TRNT1: variants seen among roughly 807,000 people sequenced by gnomAD.
TRNT1 encodes tRNA nucleotidyl transferase 1, also known as CCA tRNA nucleotidyltransferase 1, mitochondrial.
TRNT1 carries 44 observed loss-of-function variants against 45.6 expected under a neutral mutation model. The ratio of observed to expected loss-of-function variants is 0.97; its 90% CI spans 0.76 to 1.24. The LOEUF (loss-of-function observed/expected upper bound fraction) is 1.24, where lower values mean the gene tolerates loss of function less well. Ranked by LOEUF, TRNT1 falls within the 50% of genes most tolerant of loss-of-function variation. The probability of loss-of-function intolerance (pLI) is 0.00; values close to 1 mark genes in which losing one functional copy is unlikely to be tolerated. For missense variants in TRNT1, 633 were observed against 504.4 expected (o/e 1.25, Z -2.44); for synonymous variants, 201 against 171.4 (o/e 1.17, Z -1.35).
At chr3:3,151,753 C>CT (rs1706568279), downstream of TRNT1, among the ~76,000 whole-genome samples, 14 of 152,246 alleles carry the variant, frequency 9.2e-5, no homozygotes, top group South Asian at 2.9e-3. Flanking sequence ...TAGCATCCCT[C>CT]TTTGAAAACT....
At chr3:3,128,150 A>AG (rs1269214989) in intron 1 of TRNT1, 3 of 152,224 alleles carry the variant, frequency 2.0e-5, no homozygotes, top group Admixed American at 6.5e-5. Flanking sequence ...AAATGGGTCC[A>AG]GGTGCTGGGG....
chr3:3,148,321 A>G lies in TRNT1; in HGVS notation c.*167A>G. 1 of 653,318 alleles carries G rather than the reference A, an allele frequency of 1.5e-6. No homozygotes were observed. The highest frequency in any genetic ancestry group is 2.5e-6 in the Non-Finnish European group (1 of 396,816). The allele number at this position is 653,318 out of a possible 1,614,324, so 40.5% of individuals were successfully genotyped here. ...ATTATATATTTCAAGAACTAAACAG[A>G]GATCCACCTTTCTGGATCTGATTTA... On this transcript the variant is annotated 3_prime_UTR_variant, in exon 8 of 8. Coordinates refer to ENST00000251607, the MANE Select transcript of TRNT1 (RefSeq NM_182916.3).
rs538562708 is a variant in TRNT1 at position 3,141,766 on chromosome 3, G to A, written c.481+1118G>A. 1.2e-4 allele frequency among the ~76,000 whole-genome samples: 19 copies of A among 152,310 alleles called. No homozygotes were observed. The South Asian group carries it at 3.3e-3, about 27-fold the overall frequency. ...GCAATAGTAGTGGTAAAAGGATGAA[G>A]TAATAGGATTTGCTTCATGCATAGA... On this transcript the variant is annotated intron_variant, in intron 4 of 7. Transcript: ENST00000251607.
downstream of TRNT1, among the ~76,000 whole-genome samples, chr3:3,152,214 A>G (rs543222827): frequency 6.6e-6 from 1 of 151,092 alleles, no homozygotes; most frequent in African/African-American, 2.4e-5. Context: ...GCAGTGGCAC[A>G]ATCTTGGCTC....
At position 3,137,276 on chromosome 3, in the gene TRNT1, G is replaced by T; in HGVS notation, c.165G>T (p.Glu55Asp). ...LKSLTELFVK[E>D]NHELRIAGGA... ...TCATCTCAGAATTATTTGTCAAAGA[G>T]AATCACGAATTAAGAATAGCAGGAG... The change falls in exon 3 of 8, where the codon GAG becomes GAT. Residue 55 changes from glutamate to aspartate, a missense_variant. Physicochemically the swap from Glu to Asp is conservative, Grantham distance 45. Coordinates refer to ENST00000251607, the MANE Select transcript of TRNT1 (RefSeq NM_182916.3). The T allele has an allele frequency of 2.5e-6, 4 of 1,591,262 alleles. No individual in the cohort carries two copies. Among genetic ancestry groups the T allele is most frequent in the African/African-American group, 1.4e-5 (1 of 73,670 alleles).
downstream of TRNT1, chr3:3,152,640 A>G (rs1282528325): frequency 1.4e-5 from 22 of 1,606,270 alleles, no homozygotes; most frequent in South Asian, 2.2e-5. Context: ...GTCTAATTTT[A>G]TTAAATGCTT....
downstream of TRNT1, chr3:3,152,528 GTC>G (rs1198393394): frequency 6.2e-7 from 1 of 1,613,566 alleles, no homozygotes; most frequent in Non-Finnish European, 8.5e-7. Context: ...CACAGTAAGT[GTC>G]TCATGCACAT....
intron 1 of TRNT1, among the ~76,000 whole-genome samples, chr3:3,128,598 CAAAAAA>C (rs111647168): frequency 4.2e-5 from 4 of 96,094 alleles, no homozygotes; most frequent in South Asian, 5.6e-4. Flanking sequence ...GACTCCATCT[CAAAAAA>C]AAAAAAAAAA....
At chr3:3,133,840 C>T (rs979470170) in intron 2 of TRNT1, among the ~76,000 whole-genome samples, 2 of 152,056 alleles carry the variant, frequency 1.3e-5, no homozygotes, top group African/African-American at 4.8e-5. Flanking sequence ...CATGTCTTCC[C>T]ACTCATAGCT....
chr3:3,150,459 G>A (rs117137374), downstream of TRNT1: 292 of 190,888 alleles, frequency 1.5e-3, 5 homozygotes, highest in East Asian at 0.023. Flanking sequence ...GTACAGATAC[G>A]CTGTCCCATA....
In TRNT1 at chr3:3,129,185, A is replaced by G. The variant is rs1704830773; in HGVS notation, c.145A>G (p.Thr49Ala). 4 of 1,613,962 alleles carry G rather than the reference A, an allele frequency of 2.5e-6. No individual in the cohort carries two copies. The highest frequency in any genetic ancestry group is 1.7e-5 in the Admixed American group (1 of 60,006). ...SLFTEGLKSLTELFVKENHEL... is the reference protein window; with the variant it reads ...SLFTEGLKSLAELFVKENHEL... ...TTTCACAGAAGGACTGAAGAGTCTG[A>G]CAGGTGAGAGATTAGGATACCTTTT... Residue 49 changes from threonine to alanine, a missense_variant, in exon 2 of 8, where the codon ACA becomes GCA. Coordinates refer to ENST00000251607, the MANE Select transcript of TRNT1 (RefSeq NM_182916.3).
chr3:3,142,671 T>C (rs1705731783), intron 4 of TRNT1, among the ~76,000 whole-genome samples: 1 of 152,230 alleles, frequency 6.6e-6, no homozygotes, highest in African/African-American at 2.4e-5. Context: ...TTGGTTACTT[T>C]GCTTCCCAAA....
At chr3:3,135,207 T>A (rs879635776) in intron 2 of TRNT1, among the ~76,000 whole-genome samples, 37 of 151,874 alleles carry the variant, frequency 2.4e-4, no homozygotes, top group Non-Finnish European at 4.3e-4. Context: ...GTTGGGGAGG[T>A]GTTTCAGTGA....
Position 3,147,990 on chromosome 3 carries a change from TG to T in TRNT1, c.1143del (p.Trp381CysfsTer8). 3 of 1,614,006 alleles carry T rather than the reference TG, an allele frequency of 1.9e-6. No individual in the cohort carries two copies. The highest frequency in any genetic ancestry group is 2.5e-6 in the Non-Finnish European group (3 of 1,179,898). On this transcript the variant is annotated frameshift_variant, in exon 8 of 8. Coordinates refer to ENST00000251607, the MANE Select transcript of TRNT1 (RefSeq NM_182916.3). LOFTEE classifies it high-confidence loss of function. ...EHCLLKEMQQ[W>X]SIPPFPVSGH... ...CTGTCTCCTAAAGGAAATGCAGCAG[TG>T]GTCCATTCCTCCATTTCCTGTAAGT... is the stretch of plus-strand genomic sequence containing the variant.
intron 2 of TRNT1, chr3:3,136,602 A>G (rs1438401256): frequency 2.3e-5 from 10 of 427,970 alleles, no homozygotes; most frequent in African/African-American, 8.3e-5. Flanking sequence ...TTTCTAAAGT[A>G]TGCACATAAA....
chr3:3,148,118 A>G lies in TRNT1; in HGVS notation c.1269A>G (p.Glu423=). The G allele has an allele frequency of 6.2e-7, 1 of 1,613,828 alleles. No individual in the cohort carries two copies. Among genetic ancestry groups the G allele is most frequent in the Non-Finnish European group, 8.5e-7 (1 of 1,179,772 alleles). ...GGAAAAAAAGTGGTTACCAAATGGA[A>G]AAAGATGAACTTCTGAGTTACATAA... ...EQWKKSGYQM[E]KDELLSYIKK... is the part of the protein sequence containing the mutation. The change falls in exon 8 of 8, where the codon GAA becomes GAG. Residue 423 remains glutamate, a synonymous_variant. Coordinates refer to ENST00000251607, the MANE Select transcript of TRNT1 (RefSeq NM_182916.3).
downstream of TRNT1, chr3:3,149,301 A>AAAT (rs1195138819): frequency 1.3e-5 from 2 of 152,114 alleles, no homozygotes; most frequent in Admixed American, 6.5e-5. Context: ...AGTACTGCCA[A>AAAT]AATACAGATT....
At position 3,147,982 on chromosome 3, in the gene TRNT1, T is replaced by C; in HGVS notation, c.1133T>C (p.Met378Thr). 1 of 1,614,026 alleles carries C rather than the reference T, an allele frequency of 6.2e-7. No individual in the cohort carries two copies. Among genetic ancestry groups the C allele is most frequent in the Non-Finnish European group, 8.5e-7 (1 of 1,179,906 alleles). The part of the protein sequence containing the change: ...YQGEHCLLKE[M>T]QQWSIPPFPV... ...GGAGAGCACTGTCTCCTAAAGGAAA[T>C]GCAGCAGTGGTCCATTCCTCCATTT... The change falls in exon 8 of 8, where the codon ATG (methionine) becomes ACG (threonine). Residue 378 changes from methionine to threonine, a missense_variant. Physicochemically the swap from Met to Thr is moderately conservative, Grantham distance 81. Coordinates refer to ENST00000251607, the MANE Select transcript of TRNT1 (RefSeq NM_182916.3).
In TRNT1 at chr3:3,148,907, T is replaced by C. The variant is rs1706257207; in HGVS notation, c.*753T>C. The C allele has an allele frequency of 6.6e-6, 1 of 152,166 alleles. No individual in the cohort carries two copies. Among genetic ancestry groups the C allele is most frequent in the African/African-American group, 2.4e-5 (1 of 41,458 alleles). 9.4% of individuals were successfully genotyped at this position (152,166 alleles called of 1,614,324 possible). ...TATTAGGTGTCATATACAATGGTAA[T>C]ATGCCTGTCTTTAAAGTGTTATTTT... On this transcript the variant is annotated 3_prime_UTR_variant, in exon 8 of 8. Coordinates refer to ENST00000251607, the MANE Select transcript of TRNT1 (RefSeq NM_182916.3).
Sources: gnomAD v4.1 joint callset for allele counts (sites outside exome capture counted in the v4.1 genomes callset) on GRCh38, gnomAD v4.1.1 for gene constraint, MANE v1.5 for transcripts, NCBI Gene and HGNC (gene_info 2026-07-23, HGNC 2026-07-21) for gene names.